The following GPC6 variants were observed in gnomAD, a reference collection of about 807,000 sequenced individuals.
GPC6 encodes glypican-6.
A neutral mutation model predicts 55.2 loss-of-function variants in GPC6; 14 were observed. The ratio of observed to expected loss-of-function variants is 0.25; its 90% CI spans 0.17 to 0.40. GPC6 has a LOEUF of 0.40. GPC6 is among the 10% of genes least tolerant of loss of function. The pLI is 1.00. For synonymous variants in GPC6, 278 were observed against 259.6 expected, an observed-to-expected ratio of 1.07 and a Z score of -0.68; for missense variants, 641 against 708.5, an observed-to-expected ratio of 0.90 and a Z score of 1.08.
At chr13:94,064,932 A>G (rs1884463606) in intron 4 of GPC6, among the ~76,000 whole-genome samples, 1 of 152,178 alleles carries the variant, frequency 6.6e-6, no homozygotes, top group South Asian at 2.1e-4. Context: ...AATCTTTACA[A>G]GTAAGTATTG....
chr13:93,569,072 T>C (rs1876276181), intron 2 of GPC6, among the ~76,000 whole-genome samples: 1 of 152,172 alleles, frequency 6.6e-6, no homozygotes, highest in African/African-American at 2.4e-5. Context: ...ACACAAGACT[T>C]TTTTCAAAGA....
intron 3 of GPC6, among the ~76,000 whole-genome samples, chr13:93,995,436 C>T (rs139143234): frequency 1.3e-3 from 205 of 152,206 alleles, no homozygotes; most frequent in African/African-American, 4.6e-3. Flanking sequence ...GATCCGTCCA[C>T]CTTGGCCTCC....
intron 3 of GPC6, among the ~76,000 whole-genome samples, chr13:93,891,285 T>C (rs145969731): frequency 0.01 from 1,588 of 152,244 alleles, 28 homozygotes; most frequent in African/African-American, 0.036. Flanking sequence ...ATGCTGTGAG[T>C]CAACTGCCAG....
chr13:93,646,275 T>G (rs1358419518), intron 2 of GPC6, among the ~76,000 whole-genome samples: 1 of 152,136 alleles, frequency 6.6e-6, no homozygotes, highest in African/African-American at 2.4e-5. Context: ...TCAAATTTGT[T>G]GAAGCAAGTA....
At chr13:93,921,951 GA>G (rs141511014) in intron 3 of GPC6, among the ~76,000 whole-genome samples, 101 of 146,776 alleles carry the variant, frequency 6.9e-4, no homozygotes, top group Admixed American at 4.2e-3. Context: ...GCCTGTGGGA[GA>G]AAAAAAAAAT....
At chr13:93,632,797 C>A (rs980025837) in intron 2 of GPC6, among the ~76,000 whole-genome samples, 1 of 151,800 alleles carries the variant, frequency 6.6e-6, no homozygotes, top group Non-Finnish European at 1.5e-5. Context: ...TTTTCCAAAA[C>A]GCATGTCAAA....
At chr13:93,316,268 G>A (rs1170461951) in intron 1 of GPC6, among the ~76,000 whole-genome samples, 2 of 152,022 alleles carry the variant, frequency 1.3e-5, no homozygotes, top group East Asian at 1.9e-4. Context: ...AGAGCTTGAA[G>A]GCAGTCCATT....
At chr13:93,252,488 C>A (rs1876820494) in intron 1 of GPC6, among the ~76,000 whole-genome samples, 1 of 152,188 alleles carries the variant, frequency 6.6e-6, no homozygotes, top group Non-Finnish European at 1.5e-5. Context: ...TAAAATCCAA[C>A]CCTGTTGAAA....
intron 4 of GPC6, among the ~76,000 whole-genome samples, chr13:94,066,314 T>C (rs1282684367): frequency 6.6e-6 from 1 of 152,202 alleles, no homozygotes; most frequent in Non-Finnish European, 1.5e-5. Context: ...GTTAGTTCAT[T>C]GTATTTACTA....
At chr13:93,223,064 G>T, upstream of GPC6, among the ~76,000 whole-genome samples, 1 of 113,418 alleles carries the variant, frequency 8.8e-6, no homozygotes. Context: ...AAATCACATT[G>T]GCTAGAAATG....
At chr13:94,054,771 T>TG (rs1884074468) in intron 4 of GPC6, among the ~76,000 whole-genome samples, 1 of 152,174 alleles carries the variant, frequency 6.6e-6, no homozygotes, top group African/African-American at 2.4e-5. Flanking sequence ...AGGAGACCTG[T>TG]GGGAAATTCA....
At chr13:94,053,322 CA>C (rs1490480079) in intron 4 of GPC6, among the ~76,000 whole-genome samples, 1 of 152,090 alleles carries the variant, frequency 6.6e-6, no homozygotes, top group Non-Finnish European at 1.5e-5. Context: ...GATAAACAAC[CA>C]GAGCTAAAAC....
intron 3 of GPC6, among the ~76,000 whole-genome samples, chr13:93,858,568 G>T (rs1034683921): frequency 6.6e-6 from 1 of 151,476 alleles, no homozygotes; most frequent in East Asian, 2.0e-4. Context: ...CAGCAAAGAC[G>T]ATTGAGGAAA....
At chr13:93,606,277 A>C (rs1394967749) in intron 2 of GPC6, among the ~76,000 whole-genome samples, 3 of 152,192 alleles carry the variant, frequency 2.0e-5, no homozygotes, top group African/African-American at 7.2e-5. Context: ...TTTCAATGAA[A>C]ATTTTTATGT....
rs186530313 is a variant in GPC6, at chr13:93,983,070, T to G, written c.712-44659T>G. On this transcript the variant is annotated intron_variant, in intron 3 of 8. Transcript: ENST00000377047. ...ATAAAATCTTCTGCCTTTTGCAAAC[T>G]TTGACCAGAATTCATGAAGGAATAA... Among the ~76,000 whole-genome samples, 13 of 152,300 alleles carry G rather than the reference T, an allele frequency of 8.5e-5. No homozygotes were observed. In the East Asian group the frequency reaches 2.5e-3, roughly 29 times the overall value.
intron 4 of GPC6, among the ~76,000 whole-genome samples, chr13:94,162,268 G>A (rs1477776965): frequency 6.6e-6 from 1 of 152,186 alleles, no homozygotes; most frequent in African/African-American, 2.4e-5. Flanking sequence ...TGCTTTGTAG[G>A]AGGTGGTCTC....
chr13:93,332,324 T>C (rs1879882736), intron 1 of GPC6, among the ~76,000 whole-genome samples: 1 of 150,838 alleles, frequency 6.6e-6, no homozygotes, highest in East Asian at 2.0e-4. Context: ...CTATCTTACA[T>C]TCCCACGCAA....
intron 2 of GPC6, among the ~76,000 whole-genome samples, chr13:93,662,595 A>C (rs1434185592): frequency 6.6e-6 from 1 of 152,096 alleles, no homozygotes; most frequent in Admixed American, 6.5e-5. Context: ...GAGCCATTGC[A>C]CTCAAGCCTG....
intron 1 of GPC6, among the ~76,000 whole-genome samples, chr13:93,276,366 A>G (rs1184392880): frequency 6.6e-6 from 1 of 152,046 alleles, no homozygotes; most frequent in African/African-American, 2.4e-5. Context: ...AGTCAAATGA[A>G]CTAACAAGGA....
Sources: gnomAD v4.1 joint callset for allele counts (sites outside exome capture counted in the v4.1 genomes callset) on GRCh38, gnomAD v4.1.1 for gene constraint, MANE v1.5 for transcripts, NCBI Gene and HGNC (gene_info 2026-07-23, HGNC 2026-07-21) for gene names.